EZR: variants seen among roughly 807,000 people sequenced by gnomAD.
EZR encodes the protein cytovillin 2.
In EZR, 40 loss-of-function variants were observed where a neutral mutation model predicts 74.8. The observed-to-expected ratio is 0.53, with a 90% CI of 0.42 to 0.70. The LOEUF is 0.70. Ranked by LOEUF, EZR falls within the 30% of genes least tolerant of loss-of-function variation. The pLI is 0.00. For missense variants in EZR, 678 were observed against 755.8 expected, an observed-to-expected ratio of 0.90 and a Z score of 1.21; for synonymous variants, 341 against 283.3, an observed-to-expected ratio of 1.20 and a Z score of -2.05.
intron 2 of EZR, among the ~76,000 whole-genome samples, chr6:158,802,915 C>A (rs1349333365): frequency 6.6e-6 from 1 of 152,074 alleles, no homozygotes; most frequent in Non-Finnish European, 1.5e-5. Flanking sequence ...TCCTAGGGGC[C>A]GTGTCTCCTA....
chr6:158,809,383 T>C (rs1413348099), intron 2 of EZR, among the ~76,000 whole-genome samples: 2 of 152,230 alleles, frequency 1.3e-5, no homozygotes, highest in African/African-American at 4.8e-5. Context: ...AACATTCTCT[T>C]TCCAACTCAA....
At chr6:158,769,272 C>A in intron 12 of EZR, 54 bp downstream of exon 12, 1 of 1,528,236 alleles carries the variant, frequency 6.5e-7, no homozygotes, top group East Asian at 2.2e-5. Context: ...CCACCGCAGG[C>A]AATTGGGCAA....
At chr6:158,814,545 CTTT>C (rs140662494) in intron 2 of EZR, among the ~76,000 whole-genome samples, 209 of 127,326 alleles carry the variant, frequency 1.6e-3, no homozygotes, top group Admixed American at 1.4e-3. Flanking sequence ...TGAATAAAGT[CTTT>C]TTTTTTTTTT....
chr6:158,767,414 C>A lies in EZR; in HGVS notation c.1443G>T (p.Val481=), dbSNP rs760405975. The change falls in exon 13 of 14, where the codon GTG becomes GTT. Residue 481 remains valine, a synonymous_variant. Coordinates refer to ENST00000367075, the MANE Select transcript of EZR (RefSeq NM_001111077.2). ...GCAAGCTCTCCTGGACATGGTAGCT[C>A]ACCGGCTCGTACACGGGGGGTGGTG... ...PPPPPPVYEP[V]SYHVQESLQD... 7.4e-6 allele frequency: 12 copies of A among 1,613,894 alleles called. No homozygotes were observed. The South Asian group carries it at 1.3e-4, about 18-fold the overall frequency.
chr6:158,801,594 T>C (rs113860465), intron 2 of EZR, among the ~76,000 whole-genome samples: 372 of 152,364 alleles, frequency 2.4e-3, no homozygotes, highest in African/African-American at 8.4e-3. Flanking sequence ...AAACTCATTC[T>C]GATAAGTTTT....
At chr6:158,767,163 G>A (rs1489511718) in intron 13 of EZR, 85 bp from the exon 14 acceptor site, 2 of 1,586,138 alleles carry the variant, frequency 1.3e-6, no homozygotes, top group African/African-American at 1.3e-5. Context: ...GGGCAAGAGG[G>A]GTGCTGGGTG....
chr6:158,769,465 C>T lies in EZR; in HGVS notation c.1252-47G>A, dbSNP rs374771829. 1.8e-4 allele frequency: 285 copies of T among 1,570,738 alleles called. 1 individual carries two copies. The South Asian group carries it at 2.3e-3, about 13-fold the overall frequency. ...CACGTCAGTTCTGATATCCTTTCAA[C>T]GGAGTCCAGTTGTGAATGAGTGTTC... On this transcript the variant is annotated intron_variant, in intron 11 of 13. Coordinates refer to ENST00000367075, the MANE Select transcript of EZR (RefSeq NM_001111077.2).
At chr6:158,767,892 A>G (rs2128563616) in intron 12 of EZR, among the ~76,000 whole-genome samples, 1 of 152,082 alleles carries the variant, frequency 6.6e-6, no homozygotes, top group African/African-American at 2.4e-5. Context: ...AGTCCTTCCA[A>G]CAGCTTCACA....
At chr6:158,803,743 T>C (rs553737795) in intron 2 of EZR, among the ~76,000 whole-genome samples, 2 of 149,642 alleles carry the variant, frequency 1.3e-5, no homozygotes, top group African/African-American at 4.9e-5. Context: ...AAATCCTAAA[T>C]AGCTCTCCTT....
At chr6:158,808,438 G>A (rs969784467) in intron 2 of EZR, among the ~76,000 whole-genome samples, 13 of 152,298 alleles carry the variant, frequency 8.5e-5, no homozygotes, top group African/African-American at 2.6e-4. Context: ...TGTGTTCATC[G>A]TGGCAGCAAA....
chr6:158,789,243 G>GTTTTTT, intron 3 of EZR, 45 bp downstream of exon 3: 1 of 1,435,872 alleles, frequency 7.0e-7, no homozygotes, highest in African/African-American at 1.4e-5. Context: ...TTGCAAAACA[G>GTTTTTT]TTTTTTTTTG....
chr6:158,789,182 T>C (rs1791665715), intron 3 of EZR, 106 bp downstream of exon 3: 3 of 770,578 alleles, frequency 3.9e-6, no homozygotes, highest in Non-Finnish European at 6.4e-6. Context: ...ATCTATTACC[T>C]CAAGTGAGTA....
chr6:158,771,119 G>T, intron 9 of EZR, 125 bp downstream of exon 9: 4 of 1,407,090 alleles, frequency 2.8e-6, no homozygotes, highest in South Asian at 2.8e-5. Flanking sequence ...AGATCCCAGC[G>T]TGGTGACTGG....
rs2128566022 is a variant in EZR at position 158,770,772 on chromosome 6, G to C, written c.1082C>G (p.Ala361Gly). The C allele has an allele frequency of 6.2e-7, 1 of 1,614,096 alleles. No homozygotes were observed. The highest frequency in any genetic ancestry group is 8.5e-7 in the Non-Finnish European group (1 of 1,180,010). Residue 361 changes from alanine (A) to glycine (G), a missense_variant, in exon 10 of 14, where the codon GCA (alanine) becomes GGA (glycine). Transcript: ENST00000367075. The part of the protein sequence containing the change: ...LQDYEEKTKK[A>G]ERELSEQIQR... ...GCCCCAGGGCGCCTGACCTCTCTCT[G>C]CCTTCTTTGTCTTCTCCTCATAGTC...
intron 8 of EZR, among the ~76,000 whole-genome samples, chr6:158,774,669 TCAAACACA>T (rs1791215523): frequency 1.4e-5 from 1 of 73,654 alleles, no homozygotes; most frequent in African/African-American, 5.4e-5. Flanking sequence ...GGACTTATCA[TCAAACACA>T]CACACACACA....
At chr6:158,815,008 T>C (rs931827467) in intron 2 of EZR, among the ~76,000 whole-genome samples, 1 of 152,206 alleles carries the variant, frequency 6.6e-6, no homozygotes, top group African/African-American at 2.4e-5. Flanking sequence ...ACAGTTGCAA[T>C]GAATCAGGTG....
intron 2 of EZR, among the ~76,000 whole-genome samples, chr6:158,810,559 C>T (rs1777432783): frequency 6.6e-6 from 1 of 152,170 alleles, no homozygotes; most frequent in South Asian, 2.1e-4. Flanking sequence ...CGCTTCAAAA[C>T]ATGAAGGTGG....
chr6:158,773,700 A>T (rs1791186710), intron 8 of EZR, among the ~76,000 whole-genome samples: 2 of 152,266 alleles, frequency 1.3e-5, no homozygotes, highest in South Asian at 4.1e-4. Flanking sequence ...GGCAGGAGGC[A>T]GCCGCGGGAG....
chr6:158,812,366 C>G (rs183772513), intron 2 of EZR, among the ~76,000 whole-genome samples: 2 of 152,246 alleles, frequency 1.3e-5, no homozygotes, highest in Middle Eastern at 3.4e-3. Flanking sequence ...CCTATTGAAT[C>G]AGCAGTACCA....
Sources: allele counts gnomAD v4.1 joint callset (sites outside exome capture counted in the v4.1 genomes callset), GRCh38; gene constraint gnomAD v4.1.1; transcripts MANE v1.5; gene names NCBI Gene and HGNC (gene_info 2026-07-23, HGNC 2026-07-21).